PDE11A: variants seen among roughly 807,000 people sequenced by gnomAD.
PDE11A encodes phosphodiesterase 11A.
A neutral mutation model predicts 100.5 loss-of-function variants in PDE11A; 100 were observed. The observed-to-expected ratio is 1.00, with a 90% CI of 0.85 to 1.18. The LOEUF is 1.18. Ranked by LOEUF, PDE11A falls within the 50% of genes most tolerant of loss-of-function variation. The pLI is 0.00. For synonymous variants in PDE11A, 381 were observed against 420.8 expected, an observed-to-expected ratio of 0.91 and a Z score of 1.16; for missense variants, 1,141 against 1,152.6, an observed-to-expected ratio of 0.99 and a Z score of 0.15.
intron 6 of PDE11A, among the ~76,000 whole-genome samples, chr2:177,830,699 A>G (rs1320325993): frequency 1.3e-5 from 2 of 151,088 alleles, no homozygotes; most frequent in Non-Finnish European, 2.9e-5. Flanking sequence ...TTGCTGCAAT[A>G]GAAAATTAAT....
At chr2:177,997,430 G>T in intron 2 of PDE11A, 1 of 829,234 alleles carries the variant, frequency 1.2e-6, no homozygotes, top group South Asian at 1.3e-5. Flanking sequence ...CTTTTATACA[G>T]GTTTCCAGGA....
intron 11 of PDE11A, 74 bp from the exon 12 acceptor site, chr2:177,727,839 A>G (rs1395312422): frequency 5.9e-6 from 6 of 1,013,452 alleles, no homozygotes; most frequent in Non-Finnish European, 9.5e-6. Flanking sequence ...ATGGTGCCTT[A>G]TATCTGAGTA....
rs188235439 is a variant in PDE11A, at chr2:177,932,029, C to T, written c.1072-26842G>A. 7.3e-5 allele frequency among the ~76,000 whole-genome samples: 11 copies of T among 151,716 alleles called. No individual in the cohort carries two copies. In the East Asian group the frequency reaches 9.6e-4, roughly 13 times the overall value. On this transcript the variant is annotated intron_variant, in intron 2 of 19. Coordinates refer to ENST00000286063, the MANE Select transcript of PDE11A (RefSeq NM_016953.4). ...TACAAAAGATCCTCAGAGATGATTA[C>T]GACACCTCTATGCACACAAACTAGA...
At chr2:177,639,855 A>G (rs1416264161) in intron 19 of PDE11A, among the ~76,000 whole-genome samples, 1 of 152,048 alleles carries the variant, frequency 6.6e-6, no homozygotes, top group Non-Finnish European at 1.5e-5. Context: ...GTACTCCTAT[A>G]CTCTGTTGTT....
At position 177,789,924 on chromosome 2, in the gene PDE11A, T is replaced by C. The variant is rs578115161; in HGVS notation, c.1738-20551A>G. Among the ~76,000 whole-genome samples, 943 of 151,692 alleles carry C rather than the reference T, an allele frequency of 6.2e-3. 5 individuals carry two copies. Among genetic ancestry groups the C allele is most frequent in the African/African-American group, 0.022 (897 of 41,374 alleles). ...CAAATGGAAGAACATTCCATGCTCATGGGTAGGAAGAATCAATATTGTGAA... is the reference window on the plus strand; with the variant it reads ...CAAATGGAAGAACATTCCATGCTCACGGGTAGGAAGAATCAATATTGTGAA... On this transcript the variant is annotated intron_variant, in intron 9 of 19. Transcript: ENST00000286063.
At position 177,898,214 on chromosome 2, in the gene PDE11A, T is replaced by C. The variant is rs376445638; in HGVS notation, c.1162-16A>G. ...CTAGCAAAGCCTAGAAAAGATGAAA[T>C]AGATGTATATAAGTGGATGTAAAAC... On this transcript the variant is annotated splice_polypyrimidine_tract_variant and intron_variant, in intron 3 of 19. Coordinates refer to ENST00000286063, the MANE Select transcript of PDE11A (RefSeq NM_016953.4). The C allele has an allele frequency of 1.1e-4, 171 of 1,580,444 alleles. 1 individual carries two copies. The highest frequency in any genetic ancestry group is 1.5e-4 in the Non-Finnish European group (167 of 1,149,552).
intron 2 of PDE11A, among the ~76,000 whole-genome samples, chr2:177,995,481 A>C (rs1198505658): frequency 6.6e-6 from 1 of 152,224 alleles, no homozygotes; most frequent in East Asian, 1.9e-4. Context: ...TATTCCTAAA[A>C]AAATACATCA....
At chr2:178,095,321 G>A (rs10205232) in intron 2 of PDE11A, among the ~76,000 whole-genome samples, 130,337 of 151,020 alleles carry the variant, frequency 0.86, 56,820 homozygotes, top group Non-Finnish European at 0.92. Context: ...TACAGGCCCC[G>A]TGCAAGTCCG....
chr2:177,924,380 T>C (rs1040294970), intron 2 of PDE11A, among the ~76,000 whole-genome samples: 1 of 152,194 alleles, frequency 6.6e-6, no homozygotes, highest in Non-Finnish European at 1.5e-5. Flanking sequence ...CCTGTTTGTA[T>C]TGGTCTTAAA....
chr2:177,898,032 A>T, intron 4 of PDE11A, 26 bp downstream of exon 4: 1 of 1,571,744 alleles, frequency 6.4e-7, no homozygotes, highest in East Asian at 2.2e-5. Context: ...ACAGTCTTCA[A>T]CTTTAAAAGA....
chr2:178,050,087 G>T (rs934877650), intron 1 of PDE11A, among the ~76,000 whole-genome samples: 2 of 152,144 alleles, frequency 1.3e-5, no homozygotes, highest in Non-Finnish European at 2.9e-5. Context: ...AGCCTAACTG[G>T]GAGGCGCCTC....
intron 2 of PDE11A, among the ~76,000 whole-genome samples, chr2:178,080,825 AC>A (rs750933105): frequency 4.6e-5 from 7 of 152,190 alleles, no homozygotes; most frequent in African/African-American, 9.6e-5. Flanking sequence ...ATTAAAAAAA[AC>A]ATGCCAACCC....
intron 9 of PDE11A, among the ~76,000 whole-genome samples, chr2:177,810,542 T>A (rs1558949542): frequency 6.6e-6 from 1 of 151,930 alleles, no homozygotes; most frequent in East Asian, 1.9e-4. Context: ...ATGACAAAAG[T>A]GGAGGGGAGG....
chr2:178,039,217 G>A (rs1270389544), intron 1 of PDE11A, among the ~76,000 whole-genome samples: 1 of 152,182 alleles, frequency 6.6e-6, no homozygotes, highest in African/African-American at 2.4e-5. Flanking sequence ...ATGAGATCAT[G>A]TCTTTTTGCT....
chr2:177,943,425 G>C (rs988196253), intron 2 of PDE11A, among the ~76,000 whole-genome samples: 2 of 151,994 alleles, frequency 1.3e-5, no homozygotes, highest in Non-Finnish European at 2.9e-5. Context: ...TGCCATCCTC[G>C]TGGGTGCGAC....
At chr2:178,064,035 T>C (rs1574377926) in intron 1 of PDE11A, among the ~76,000 whole-genome samples, 1 of 152,258 alleles carries the variant, frequency 6.6e-6, no homozygotes, top group South Asian at 2.1e-4. Context: ...GCTTTTCCAT[T>C]ATCTCATTGC....
chr2:177,741,981 A>G, intron 10 of PDE11A, among the ~76,000 whole-genome samples: 1 of 151,140 alleles, frequency 6.6e-6, no homozygotes, highest in Non-Finnish European at 1.5e-5. Context: ...GCAGTGAGCT[A>G]GGATCACAAC....
At chr2:178,071,380 A>G in intron 1 of PDE11A, 146 bp downstream of exon 1, 1 of 905,262 alleles carries the variant, frequency 1.1e-6, no homozygotes. Context: ...GTAACATTCT[A>G]ACTAGTCTAA....
At chr2:177,918,570 T>A (rs2084988597) in intron 2 of PDE11A, among the ~76,000 whole-genome samples, 1 of 151,988 alleles carries the variant, frequency 6.6e-6, no homozygotes, top group Admixed American at 6.6e-5. Context: ...GGCAAATAAA[T>A]CACTAGCTAG....
Sources: allele counts gnomAD v4.1 joint callset (sites outside exome capture counted in the v4.1 genomes callset), GRCh38; gene constraint gnomAD v4.1.1; transcripts MANE v1.5; gene names NCBI Gene and HGNC (gene_info 2026-07-23, HGNC 2026-07-21).